The following SLC14A2 variants were observed in gnomAD, a reference collection of about 807,000 sequenced individuals.
SLC14A2 encodes the protein solute carrier family 14 member 2, also known as urea transporter 2.
Under a neutral mutation model 104.6 loss-of-function variants are expected in SLC14A2, and 91 were observed. The observed-to-expected ratio is 0.87, with a 90% CI of 0.73 to 1.04. The LOEUF (loss-of-function observed/expected upper bound fraction) is 1.04. SLC14A2 is among the 50% of genes least tolerant of loss of function. The probability of loss-of-function intolerance (pLI) is 0.00; values close to 1 mark genes in which losing one functional copy is unlikely to be tolerated. For missense variants in SLC14A2, 1,189 were observed against 1,156.0 expected, an observed-to-expected ratio of 1.03 and a Z score of -0.41; for synonymous variants, 476 against 466.4, an observed-to-expected ratio of 1.02 and a Z score of -0.27.
Position 45,632,826 on chromosome 18 carries a change from C to T in SLC14A2, c.650+348C>T, listed in dbSNP as rs556736235. Among the ~76,000 whole-genome samples the T allele has an allele frequency of 9.4e-4, 143 of 152,252 alleles. 1 individual carries two copies. The highest frequency in any genetic ancestry group is 1.7e-3 in the Non-Finnish European group (113 of 68,024). ...ACAAGTAGCTGGGACTACAGGCACC[C>T]GCCACCACGCCCAGCTAATTTTTTG... is the stretch of plus-strand genomic sequence containing the variant. On this transcript the variant is annotated intron_variant, in intron 5 of 19. Coordinates refer to ENST00000255226, the MANE Select transcript of SLC14A2 (RefSeq NM_007163.4).
At chr18:45,285,709 G>A (rs1028840276) in intron 1 of SLC14A2, among the ~76,000 whole-genome samples, 2 of 145,896 alleles carry the variant, frequency 1.4e-5, no homozygotes, top group African/African-American at 2.5e-5. Context: ...ACAGACGTGA[G>A]CCACTGCGCC....
chr18:45,402,498 G>T (rs187644906), intron 1 of SLC14A2, among the ~76,000 whole-genome samples: 34 of 152,186 alleles, frequency 2.2e-4, no homozygotes, highest in African/African-American at 7.9e-4. Flanking sequence ...TCCTAATCAG[G>T]TTTATTGCAA....
chr18:45,380,150 G>C (rs570780263), intron 1 of SLC14A2, among the ~76,000 whole-genome samples: 1 of 152,298 alleles, frequency 6.6e-6, no homozygotes, highest in African/African-American at 2.4e-5. Context: ...ATAGTAGTGA[G>C]AGTGAGCCTT....
Position 45,682,322 on chromosome 18 carries a change from G to A in SLC14A2, c.2566G>A (p.Gly856Arg). The stretch of plus-strand genomic sequence containing the variant: ...TATCTGTGTTCTTTCTCTCCAGTTT[G>A]GATTGCCGCCCTGCACTTGGCCCTT... Reference protein sequence around the residue: ...AALANMLSVFGLPPCTWPFCL... With the variant: ...AALANMLSVFRLPPCTWPFCL... The change falls in exon 20 of 20, where the codon GGA becomes AGA. Residue 856 changes from glycine to arginine, a missense_variant. Transcript: ENST00000255226. The A allele has an allele frequency of 6.2e-7, 1 of 1,614,058 alleles. No individual in the cohort carries two copies. Among genetic ancestry groups the A allele is most frequent in the Non-Finnish European group, 8.5e-7 (1 of 1,179,964 alleles).
At chr18:45,168,313 T>C in the SLC14A2 span, among the ~76,000 whole-genome samples, 1 of 152,242 alleles carries the variant, frequency 6.6e-6, no homozygotes, top group Non-Finnish European at 1.5e-5. Flanking sequence ...ATATGATTTC[T>C]AGTATGAAAT....
chr18:45,303,883 C>G (rs1444377711), intron 1 of SLC14A2, among the ~76,000 whole-genome samples: 1 of 152,192 alleles, frequency 6.6e-6, no homozygotes, highest in East Asian at 1.9e-4. Context: ...TCCCACCAGT[C>G]AATGCTCCCA....
chr18:45,666,458 C>T (rs1253734616), intron 12 of SLC14A2, among the ~76,000 whole-genome samples: 1 of 152,160 alleles, frequency 6.6e-6, no homozygotes, highest in Non-Finnish European at 1.5e-5. Flanking sequence ...AGTATTCAAG[C>T]ATTTAGGAAA....
At chr18:45,499,796 T>C (rs1468818103) in intron 2 of SLC14A2, among the ~76,000 whole-genome samples, 1 of 152,172 alleles carries the variant, frequency 6.6e-6, no homozygotes, top group South Asian at 2.1e-4. Context: ...GAGATGATCA[T>C]AGGTATCTTA....
chr18:45,655,969 G>T (rs1232109588), intron 10 of SLC14A2, among the ~76,000 whole-genome samples: 1 of 152,216 alleles, frequency 6.6e-6, no homozygotes, highest in Non-Finnish European at 1.5e-5. Flanking sequence ...CAGCTGTGTG[G>T]CCTCAGGTAA....
intron 5 of SLC14A2, among the ~76,000 whole-genome samples, chr18:45,636,250 G>T (rs963114745): frequency 3.3e-5 from 5 of 152,202 alleles, no homozygotes; most frequent in Non-Finnish European, 7.4e-5. Context: ...TGCCCAGCAG[G>T]TCACTGAGTG....
chr18:45,526,660 A>G (rs1052002794), intron 2 of SLC14A2, among the ~76,000 whole-genome samples: 6 of 152,250 alleles, frequency 3.9e-5, no homozygotes, highest in Non-Finnish European at 2.9e-5. Context: ...TAGAGAACTG[A>G]GTCATATAGA....
At chr18:45,482,924 G>T (rs1007266979) in intron 1 of SLC14A2, among the ~76,000 whole-genome samples, 1 of 152,138 alleles carries the variant, frequency 6.6e-6, no homozygotes, top group African/African-American at 2.4e-5. Flanking sequence ...TTCAATGAAA[G>T]AAAAGGTCAC....
At chr18:45,248,109 T>G (rs1379609827) in intron 1 of SLC14A2, among the ~76,000 whole-genome samples, 3 of 152,154 alleles carry the variant, frequency 2.0e-5, no homozygotes, top group Non-Finnish European at 4.4e-5. Context: ...CAGGATAATT[T>G]AGATTTGTGC....
At chr18:45,554,520 T>C (rs951803312) in intron 2 of SLC14A2, among the ~76,000 whole-genome samples, 1 of 152,208 alleles carries the variant, frequency 6.6e-6, no homozygotes, top group African/African-American at 2.4e-5. Context: ...AGGGAATTTG[T>C]TGGCAAGCAA....
chr18:45,353,386 A>G (rs2085521507), intron 1 of SLC14A2, among the ~76,000 whole-genome samples: 1 of 152,224 alleles, frequency 6.6e-6, no homozygotes, highest in South Asian at 2.1e-4. Context: ...GAAATGTGGG[A>G]ACCAGAGATT....
chr18:45,184,406 C>T, the SLC14A2 span, among the ~76,000 whole-genome samples: 3 of 152,126 alleles, frequency 2.0e-5, no homozygotes, highest in Admixed American at 1.3e-4. Context: ...AGTTCATAAG[C>T]AGAGGAGATT....
chr18:45,524,573 C>A (rs970422915), intron 2 of SLC14A2, among the ~76,000 whole-genome samples: 1 of 152,186 alleles, frequency 6.6e-6, no homozygotes, highest in African/African-American at 2.4e-5. Context: ...ACATAGTTCC[C>A]TATCCAGCCC....
chr18:45,513,100 G>A (rs1441957642), intron 2 of SLC14A2, among the ~76,000 whole-genome samples: 3 of 152,158 alleles, frequency 2.0e-5, no homozygotes, highest in Middle Eastern at 3.2e-3. Flanking sequence ...GCAGTATCCT[G>A]AGAGTTCATA....
At chr18:45,661,108 T>C (rs2045929249) in intron 10 of SLC14A2, among the ~76,000 whole-genome samples, 1 of 152,172 alleles carries the variant, frequency 6.6e-6, no homozygotes, top group Non-Finnish European at 1.5e-5. Flanking sequence ...GGCTGCTAAC[T>C]GTGAAGAATC....
Sources: gnomAD v4.1 joint callset for allele counts (sites outside exome capture counted in the v4.1 genomes callset) on GRCh38, gnomAD v4.1.1 for gene constraint, MANE v1.5 for transcripts, NCBI Gene and HGNC (gene_info 2026-07-23, HGNC 2026-07-21) for gene names.